The following PTPRO variants were observed in gnomAD, a reference collection of about 807,000 sequenced individuals.
PTPRO encodes the protein receptor-type tyrosine-protein phosphatase O.
In PTPRO, 62 loss-of-function variants were observed where a neutral mutation model predicts 145.2. The ratio of observed to expected loss-of-function variants is 0.43; its 90% CI spans 0.35 to 0.53. The LOEUF (loss-of-function observed/expected upper bound fraction) is 0.53. Ranked by LOEUF, PTPRO falls within the 20% of genes least tolerant of loss-of-function variation. PTPRO has a pLI of 0.01. For synonymous variants in PTPRO, 565 were observed against 514.7 expected, an observed-to-expected ratio of 1.10 and a Z score of -1.32; for missense variants, 1,345 against 1,482.7, an observed-to-expected ratio of 0.91 and a Z score of 1.53.
intron 1 of PTPRO, among the ~76,000 whole-genome samples, chr12:15,357,076 G>A (rs892428719): frequency 6.6e-6 from 1 of 152,132 alleles, no homozygotes; most frequent in African/African-American, 2.4e-5. Context: ...CTTAGAGCAG[G>A]GTATAAACAG....
At chr12:15,429,924 T>G (rs958204163) in intron 1 of PTPRO, among the ~76,000 whole-genome samples, 1 of 152,064 alleles carries the variant, frequency 6.6e-6, no homozygotes, top group African/African-American at 2.4e-5. Flanking sequence ...TGAAGGTGAT[T>G]CCCACATTTC....
rs528605614 is a variant in PTPRO, at chr12:15,351,530, G to A, written c.75+28729G>A. ...GAACAGGGAAACAGACTCTCCTTCCGAGGTCAGGAGATTAAAGGATACAAA... is the reference window on the plus strand; with the variant it reads ...GAACAGGGAAACAGACTCTCCTTCCAAGGTCAGGAGATTAAAGGATACAAA... On this transcript the variant is annotated intron_variant, in intron 1 of 26. Coordinates refer to ENST00000281171, the MANE Select transcript of PTPRO (RefSeq NM_030667.3). Among the ~76,000 whole-genome samples, 121 of 152,268 alleles carry A rather than the reference G, an allele frequency of 7.9e-4. 1 individual carries two copies. The highest frequency in any genetic ancestry group is 1.8e-4 in the Non-Finnish European group (12 of 68,014).
At chr12:15,377,598 A>G (rs1028753632) in intron 1 of PTPRO, among the ~76,000 whole-genome samples, 3 of 152,090 alleles carry the variant, frequency 2.0e-5, no homozygotes, top group African/African-American at 7.2e-5. Context: ...CACCTAAGCA[A>G]AAGGTCAACA....
intron 22 of PTPRO, 129 bp downstream of exon 22, chr12:15,580,960 A>G: frequency 1.5e-6 from 2 of 1,292,232 alleles, no homozygotes; most frequent in Non-Finnish European, 2.2e-6. Context: ...AAAACATTGT[A>G]TTCGGGAAGC....
intron 1 of PTPRO, among the ~76,000 whole-genome samples, chr12:15,380,791 A>G (rs537151695): frequency 1.4e-4 from 21 of 152,278 alleles, no homozygotes; most frequent in Middle Eastern, 6.8e-3. Flanking sequence ...TTGACTTTTC[A>G]TTGTATTAAT....
intron 1 of PTPRO, among the ~76,000 whole-genome samples, chr12:15,357,695 C>T (rs1938040450): frequency 6.6e-6 from 1 of 151,540 alleles, no homozygotes; most frequent in Admixed American, 6.6e-5. Flanking sequence ...GATACCATCT[C>T]ACACCACTTA....
rs1019733569 is a variant in PTPRO, at chr12:15,581,569, C to G, written c.3133-110C>G. On this transcript the variant is annotated intron_variant, in intron 22 of 26. Transcript: ENST00000281171. ...TTTGCTTTATGTTTCATCTTCACCA[C>G]GGTCCTATCTAATTCTTTAGAGGCG... is the stretch of plus-strand genomic sequence containing the variant. The G allele has an allele frequency of 8.5e-6, 11 of 1,294,314 alleles. No homozygotes were observed. The African/African-American group carries it at 1.3e-4, about 16-fold the overall frequency. 80.2% of individuals were successfully genotyped at this position (1,294,314 alleles called of 1,614,324 possible).
In PTPRO at chr12:15,578,870, A is replaced by C. The variant is rs2135639098; in HGVS notation, c.2847A>C (p.Gly949=). Reference sequence around the variant, plus strand: ...CTTTACAGGAGTTGAAATTGATTGGACTGGATATCCCACACTTTGCTGCAG... The same window carrying C: ...CTTTACAGGAGTTGAAATTGATTGGCCTGGATATCCCACACTTTGCTGCAG... ...SLQFEELKLI[G]LDIPHFAADL... is the part of the protein sequence containing the mutation. Residue 949 remains glycine, a synonymous_variant, in exon 20 of 27, where the codon GGA becomes GGC. Coordinates refer to ENST00000281171, the MANE Select transcript of PTPRO (RefSeq NM_030667.3). 4 of 1,600,742 alleles carry C rather than the reference A, an allele frequency of 2.5e-6. No homozygotes were observed. The highest frequency in any genetic ancestry group is 1.7e-4 in the Middle Eastern group (1 of 6,046).
At chr12:15,591,928 G>A (rs1288744277) in intron 25 of PTPRO, among the ~76,000 whole-genome samples, 3 of 151,958 alleles carry the variant, frequency 2.0e-5, no homozygotes, top group African/African-American at 7.3e-5. Flanking sequence ...AAAATAAAGT[G>A]CAGTATCCCT....
intron 7 of PTPRO, among the ~76,000 whole-genome samples, chr12:15,513,950 T>C (rs1277713340): frequency 6.6e-6 from 1 of 152,086 alleles, no homozygotes; most frequent in Non-Finnish European, 1.5e-5. Context: ...TTCCAGGTAG[T>C]CCAAAAAAAG....
intron 1 of PTPRO, among the ~76,000 whole-genome samples, chr12:15,457,650 T>C (rs1941210639): frequency 6.6e-6 from 1 of 152,180 alleles, no homozygotes; most frequent in Admixed American, 6.5e-5. Flanking sequence ...GTAGGTATTA[T>C]CTTTGTGGTT....
chr12:15,438,484 A>G (rs1591811928), intron 1 of PTPRO, among the ~76,000 whole-genome samples: 1 of 152,254 alleles, frequency 6.6e-6, no homozygotes, highest in African/African-American at 2.4e-5. Context: ...CCAGGAAATG[A>G]ACAAAAAGAT....
At chr12:15,432,145 C>G (rs954346541) in intron 1 of PTPRO, among the ~76,000 whole-genome samples, 3 of 152,168 alleles carry the variant, frequency 2.0e-5, no homozygotes, top group Non-Finnish European at 4.4e-5. Context: ...TGATCCTCTT[C>G]CTCCTCTCAC....
intron 1 of PTPRO, among the ~76,000 whole-genome samples, chr12:15,453,800 A>G (rs150526286): frequency 1.0e-3 from 152 of 152,272 alleles, no homozygotes; most frequent in Middle Eastern, 3.4e-3. Context: ...TGACTGTTTT[A>G]GATACCTCAG....
At chr12:15,493,766 G>A (rs368695407) in intron 2 of PTPRO, among the ~76,000 whole-genome samples, 1 of 152,170 alleles carries the variant, frequency 6.6e-6, no homozygotes, top group East Asian at 1.9e-4. Context: ...ATCTGACACA[G>A]ATGATGTGTA....
chr12:15,479,008 C>A (rs992049054), intron 1 of PTPRO, among the ~76,000 whole-genome samples: 2 of 152,154 alleles, frequency 1.3e-5, no homozygotes, highest in African/African-American at 4.8e-5. Context: ...CTCTTCTCAT[C>A]TTCACTCTTC....
chr12:15,473,689 C>T (rs917051589), intron 1 of PTPRO, among the ~76,000 whole-genome samples: 2 of 148,016 alleles, frequency 1.4e-5, no homozygotes, highest in African/African-American at 2.5e-5. Context: ...ATTGCTTGAA[C>T]CCAGGAGACA....
chr12:15,436,878 G>A (rs1451446147), intron 1 of PTPRO, among the ~76,000 whole-genome samples: 1 of 152,164 alleles, frequency 6.6e-6, no homozygotes, highest in African/African-American at 2.4e-5. Flanking sequence ...GGCAGGAGGA[G>A]AGCTGCTACA....
chr12:15,517,046 AT>A (rs1452838455), intron 9 of PTPRO, 90 bp downstream of exon 9: 2 of 1,247,480 alleles, frequency 1.6e-6, no homozygotes, highest in Non-Finnish European at 2.3e-6. Flanking sequence ...TTATCTATAA[AT>A]TTGATTATTT....
Sources: allele counts gnomAD v4.1 joint callset (sites outside exome capture counted in the v4.1 genomes callset), GRCh38; gene constraint gnomAD v4.1.1; transcripts MANE v1.5; gene names NCBI Gene and HGNC (gene_info 2026-07-23, HGNC 2026-07-21).